COLEC10: variants seen among roughly 807,000 people sequenced by gnomAD.
The protein encoded by COLEC10 is collectin subfamily member 10.
A neutral mutation model predicts 28.4 loss-of-function variants in COLEC10; 22 were observed. The ratio of observed to expected loss-of-function variants is 0.78; its 90% CI spans 0.55 to 1.11. The LOEUF (loss-of-function observed/expected upper bound fraction) is 1.11, where lower values mean the gene tolerates loss of function less well. Among genes scored for constraint, COLEC10 ranks in the 50% least tolerant of loss-of-function variants. The probability of loss-of-function intolerance (pLI) is 0.00; values close to 1 mark genes in which losing one functional copy is unlikely to be tolerated. For missense variants in COLEC10, 361 were observed against 344.1 expected, an observed-to-expected ratio of 1.05 and a Z score of -0.39; for synonymous variants, 125 against 116.1, an observed-to-expected ratio of 1.08 and a Z score of -0.49.
At chr8:118,990,437 T>C in the COLEC10 span, among the ~76,000 whole-genome samples, 2 of 152,154 alleles carry the variant, frequency 1.3e-5, no homozygotes, top group African/African-American at 4.8e-5. Context: ...AGCCACTAAA[T>C]AGATTCTGTC....
chr8:118,983,181 A>C, the COLEC10 span, among the ~76,000 whole-genome samples: 1 of 152,140 alleles, frequency 6.6e-6, no homozygotes, highest in Non-Finnish European at 1.5e-5. Context: ...TCTCCTAATG[A>C]GCTTTTCCTT....
At chr8:119,053,997 A>T (rs544990034) in intron 2 of COLEC10, among the ~76,000 whole-genome samples, 1 of 152,118 alleles carries the variant, frequency 6.6e-6, no homozygotes, top group Non-Finnish European at 1.5e-5. Context: ...ACAACATGTC[A>T]GCATCACTAT....
intron 2 of COLEC10, among the ~76,000 whole-genome samples, chr8:119,014,378 C>T (rs1237652087): frequency 1.3e-5 from 2 of 149,686 alleles, no homozygotes; most frequent in Non-Finnish European, 2.9e-5. Context: ...CCCCTCAACA[C>T]TAAACACTTT....
intron 1 of COLEC10, among the ~76,000 whole-genome samples, chr8:118,996,657 T>G (rs1005816473): frequency 6.6e-6 from 1 of 152,202 alleles, no homozygotes; most frequent in East Asian, 1.9e-4. Context: ...ATCTGTATGC[T>G]TTCTGTGCTA....
the COLEC10 span, among the ~76,000 whole-genome samples, chr8:118,964,183 C>T: frequency 3.3e-5 from 5 of 152,314 alleles, no homozygotes; most frequent in East Asian, 7.7e-4. Flanking sequence ...TTGCCTGGCA[C>T]ACCTAATAGC....
chr8:119,063,337 A>G (rs1388857444), upstream of COLEC10: 1 of 152,224 alleles, frequency 6.6e-6, no homozygotes, highest in East Asian at 1.9e-4. Context: ...GACCTTTATT[A>G]TCTCATACTT....
the COLEC10 span, among the ~76,000 whole-genome samples, chr8:118,966,849 C>A: frequency 6.6e-6 from 1 of 152,078 alleles, no homozygotes; most frequent in Non-Finnish European, 1.5e-5. Context: ...TCACAGGAGG[C>A]TGGCTTACGT....
At chr8:119,091,595 GAGAAAGAAAGAA>G (rs200954056) in intron 3 of COLEC10, among the ~76,000 whole-genome samples, 11,088 of 138,272 alleles carry the variant, frequency 0.08, 1,495 homozygotes, top group African/African-American at 0.29. Flanking sequence ...GAGAGAGAGA[GAGAAAGAAAGAA>G]AGAAAGAAAG....
At chr8:119,073,954 A>C (rs1815173896) in intron 1 of COLEC10, among the ~76,000 whole-genome samples, 1 of 50,534 alleles carries the variant, frequency 2.0e-5, no homozygotes, top group East Asian at 5.3e-4. Flanking sequence ...ATATACACAT[A>C]TATACACATA....
intron 1 of COLEC10, among the ~76,000 whole-genome samples, chr8:119,007,809 T>G: frequency 6.6e-6 from 1 of 150,856 alleles, no homozygotes; most frequent in East Asian, 1.9e-4. Flanking sequence ...ATCCTGACAA[T>G]TCACTAATTA....
the COLEC10 span, among the ~76,000 whole-genome samples, chr8:118,960,735 C>G: frequency 3.5e-5 from 5 of 144,646 alleles, no homozygotes; most frequent in Admixed American, 7.2e-5. Context: ...TGCACTGAGC[C>G]GAGATTGTGC....
intron 1 of COLEC10, among the ~76,000 whole-genome samples, chr8:119,070,477 C>CCCCCTCCTTCCCTCCCTCTCTCTCTCT (rs1815088601): frequency 9.8e-6 from 1 of 101,796 alleles, no homozygotes; most frequent in Non-Finnish European, 2.0e-5. Flanking sequence ...CTCTCTCTCT[C>CCCCCTCCTTCCCTCCCTCTCTCTCTCT]CTTCCCCCTC....
At chr8:118,986,950 A>G in the COLEC10 span, among the ~76,000 whole-genome samples, 1 of 152,182 alleles carries the variant, frequency 6.6e-6, no homozygotes, top group Non-Finnish European at 1.5e-5. Context: ...GAAATGTTTT[A>G]AAACTAAATG....
chr8:118,990,859 C>A (rs1168762819), upstream of COLEC10, among the ~76,000 whole-genome samples: 1 of 151,490 alleles, frequency 6.6e-6, no homozygotes, highest in Admixed American at 6.6e-5. Flanking sequence ...TGGGAAAAGT[C>A]ATCAAGTTAA....
chr8:118,977,663 G>C, the COLEC10 span, among the ~76,000 whole-genome samples: 19 of 148,680 alleles, frequency 1.3e-4, no homozygotes, highest in Non-Finnish European at 2.7e-4. Context: ...TGACGAGTTA[G>C]TGGGTGCAGC....
chr8:119,087,174 T>G (rs767750009), intron 1 of COLEC10, among the ~76,000 whole-genome samples: 1 of 152,208 alleles, frequency 6.6e-6, no homozygotes, highest in Non-Finnish European at 1.5e-5. Flanking sequence ...CAAAGTGTAT[T>G]CAGTTCAACT....
At chr8:118,957,095 G>T in the COLEC10 span, among the ~76,000 whole-genome samples, 1 of 152,004 alleles carries the variant, frequency 6.6e-6, no homozygotes, top group Non-Finnish European at 1.5e-5. Flanking sequence ...TTTAATGAAG[G>T]GATACCATTA....
chr8:119,085,492 G>A lies in COLEC10; in HGVS notation c.149-4188G>A, dbSNP rs1815455920. ...ATGGGAAGAAGATGTAAGTAGGAGT[G>A]GGAAGGATATATTTTAGGCAGGAGT... On this transcript the variant is annotated intron_variant, in intron 1 of 5. Transcript: ENST00000332843. Among the ~76,000 whole-genome samples, 4 of 152,048 alleles carry A rather than the reference G, an allele frequency of 2.6e-5. 1 individual carries two copies. In the South Asian group the frequency reaches 6.2e-4, roughly 24 times the overall value.
the COLEC10 span, among the ~76,000 whole-genome samples, chr8:118,980,984 A>G: frequency 4.0e-5 from 6 of 151,860 alleles, no homozygotes; most frequent in African/African-American, 1.5e-4. Flanking sequence ...ACTTATTTCA[A>G]GGTACCATAT....
Sources: gnomAD v4.1 joint callset for allele counts (sites outside exome capture counted in the v4.1 genomes callset) on GRCh38, gnomAD v4.1.1 for gene constraint, MANE v1.5 for transcripts, NCBI Gene and HGNC (gene_info 2026-07-23, HGNC 2026-07-21) for gene names.